IFFO1: variants seen among roughly 807,000 people sequenced by gnomAD.
IFFO1 encodes intermediate filament family orphan 1.
In IFFO1, 42 loss-of-function variants were observed where a neutral mutation model predicts 59.6. That is an observed-to-expected ratio of 0.70 (90% CI 0.55 to 0.91). The LOEUF (loss-of-function observed/expected upper bound fraction) is 0.91. Ranked by LOEUF, IFFO1 falls within the 40% of genes least tolerant of loss-of-function variation. The pLI, the probability that IFFO1 is intolerant of heterozygous loss-of-function variation, is 0.00. For synonymous variants in IFFO1, 336 were observed against 342.8 expected (o/e 0.98, Z 0.22); for missense variants, 711 against 793.2 (o/e 0.90, Z 1.24).
At position 6,551,518 on chromosome 12, in the gene IFFO1, G is replaced by A. The variant is rs1456618037; in HGVS notation, c.774-517C>T. 7 of 1,274,912 alleles carry A rather than the reference G, an allele frequency of 5.5e-6. No individual in the cohort carries two copies. In the Admixed American group the frequency reaches 1.4e-4, roughly 25 times the overall value. 79.0% of individuals were successfully genotyped at this position (1,274,912 alleles called of 1,614,324 possible). Reference sequence around the variant, plus strand: ...TGTAAAAGCATCTGCAGGACACATAGTGTATCAACAGAGTGGGTCAAGAGC... The same window carrying A: ...TGTAAAAGCATCTGCAGGACACATAATGTATCAACAGAGTGGGTCAAGAGC... On this transcript the variant is annotated intron_variant, in intron 1 of 9. Coordinates refer to ENST00000619571, the MANE Select transcript of IFFO1 (RefSeq NM_001193457.2).
intron 9 of IFFO1, 106 bp from the exon 10 acceptor site, chr12:6,540,694 C>T (rs550022310): frequency 1.0e-6 from 1 of 996,640 alleles, no homozygotes; most frequent in Admixed American, 2.1e-5. Flanking sequence ...TGAGAAGTAC[C>T]GGAAGCGAGG....
chr12:6,545,234 TAA>T, intron 8 of IFFO1, among the ~76,000 whole-genome samples: 1 of 151,608 alleles, frequency 6.6e-6, no homozygotes, highest in East Asian at 2.0e-4. Context: ...AATAAATAAA[TAA>T]ATAAATGAAA....
rs2136118768 is a variant in IFFO1 at position 6,548,036 on chromosome 12, A to G, written c.1479+29T>C. On this transcript the variant is annotated intron_variant, in intron 8 of 9. Transcript: ENST00000619571. This position sits in a 1 kb window ranked among gnomAD's most constrained non-coding sequence, Gnocchi z 6.1. ...CCCACTCAAAACCCTCTGGGACACC[A>G]CGCCCCTGGCTTCCGCTCCTGCCCT... The G allele has an allele frequency of 6.4e-7, 1 of 1,559,220 alleles. No individual in the cohort carries two copies. The highest frequency in any genetic ancestry group is 8.8e-7 in the Non-Finnish European group (1 of 1,130,164).
Position 6,548,004 on chromosome 12 carries a change from C to G in IFFO1, c.1479+61G>C. 1 of 1,269,178 alleles carries G rather than the reference C, an allele frequency of 7.9e-7. No individual in the cohort carries two copies. The highest frequency in any genetic ancestry group is 1.5e-5 in the African/African-American group (1 of 68,090). The allele number at this position is 1,269,178 out of a possible 1,614,324, so 78.6% of individuals were successfully genotyped here. ...TGCAGCAGGGATGAGGCCACTGCGCCTGCAGCCCCACTCAAAACCCTCTGG... is the reference window on the plus strand; with the variant it reads ...TGCAGCAGGGATGAGGCCACTGCGCGTGCAGCCCCACTCAAAACCCTCTGG... On this transcript the variant is annotated intron_variant, in intron 8 of 9. Transcript: ENST00000619571. The surrounding 1 kb of genome is among the most constrained non-coding windows in gnomAD (Gnocchi z 6.1).
chr12:6,550,441 A>G (rs1204599826), intron 3 of IFFO1: 6 of 540,366 alleles, frequency 1.1e-5, no homozygotes, highest in Non-Finnish European at 1.7e-5. Flanking sequence ...CAGAGCCTCC[A>G]CCCCAGAAGC....
intron 1 of IFFO1, among the ~76,000 whole-genome samples, chr12:6,554,175 A>G (rs946182527): frequency 1.1e-4 from 16 of 151,888 alleles, no homozygotes; most frequent in African/African-American, 3.9e-4. Flanking sequence ...CCCAGCGGTC[A>G]TTTCCTAGAA....
At chr12:6,550,585 G>T in intron 3 of IFFO1, 110 bp downstream of exon 3, 1 of 735,866 alleles carries the variant, frequency 1.4e-6, no homozygotes. Context: ...AAAGCAAAGA[G>T]AAGGGGAGGA....
rs754135845 is a variant in IFFO1 at position 6,541,364 on chromosome 12, C to G, written c.1610+148G>C. 4.0e-6 allele frequency: 4 copies of G among 1,003,272 alleles called. No homozygotes were observed. Among genetic ancestry groups the G allele is most frequent in the Non-Finnish European group, 5.8e-6 (4 of 691,268 alleles). The allele number at this position is 1,003,272 out of a possible 1,614,324, so 62.1% of individuals were successfully genotyped here. On this transcript the variant is annotated intron_variant, in intron 9 of 9. Transcript: ENST00000619571. The surrounding 1 kb of genome is among the most constrained non-coding windows in gnomAD (Gnocchi z 4.8). ...ACTGCCAAGGGAGAGAGCTGTGGGT[C>G]TGGGCCAGCCCCACCAGGTAACTCC...
Position 6,555,929 on chromosome 12 carries a change from C to T in IFFO1, c.101G>A (p.Gly34Glu), listed in dbSNP as rs1176627564. 6.4e-7 allele frequency: 1 copy of T among 1,551,526 alleles called. No individual in the cohort carries two copies. The highest frequency in any genetic ancestry group is 8.7e-7 in the Non-Finnish European group (1 of 1,153,908). Reference protein sequence around the residue: ...GDSLGGDHFAGGGDLPPAPLS... With the variant: ...GDSLGGDHFAEGGDLPPAPLS... ...AGGCGCCGGGGGCAAGTCTCCTCCC[C>T]CGGCGAAGTGGTCGCCTCCCAGTGA... Residue 34 changes from glycine (G) to glutamate (E), a missense_variant, in exon 1 of 10, where the codon GGG becomes GAG. Transcript: ENST00000619571. This position sits in a 1 kb window ranked among gnomAD's most constrained non-coding sequence, Gnocchi z 8.6.
chr12:6,547,392 A>AAAAGAAAG (rs138452442), intron 8 of IFFO1, among the ~76,000 whole-genome samples: 137 of 150,850 alleles, frequency 9.1e-4, no homozygotes, highest in African/African-American at 3.0e-3. Flanking sequence ...CTGTCTCAAA[A>AAAAGAAAG]AAAGAAAGAA....
chr12:6,540,743 ACT>A (rs984860879), intron 9 of IFFO1, among the ~76,000 whole-genome samples, 155 bp from the exon 10 acceptor site: 19 of 151,828 alleles, frequency 1.3e-4, no homozygotes, highest in African/African-American at 4.6e-4. Context: ...CAGGGACTGA[ACT>A]CTCTCCAAAC....
At position 6,548,360 on chromosome 12, in the gene IFFO1, G is replaced by C. The variant is rs552509244; in HGVS notation, c.1383+65C>G. 177 of 1,553,716 alleles carry C rather than the reference G, an allele frequency of 1.1e-4. No individual in the cohort carries two copies. The African/African-American group carries it at 1.7e-3, about 15-fold the overall frequency. On this transcript the variant is annotated intron_variant, in intron 7 of 9. Coordinates refer to ENST00000619571, the MANE Select transcript of IFFO1 (RefSeq NM_001193457.2). The surrounding 1 kb of genome is among the most constrained non-coding windows in gnomAD (Gnocchi z 6.1). ...GGGGGGACAGAGCAAGGAGAGGAGCGGGGGAGTGGGCTTCAGGCTGGAGAG... is the reference window on the plus strand; with the variant it reads ...GGGGGGACAGAGCAAGGAGAGGAGCCGGGGAGTGGGCTTCAGGCTGGAGAG...
In IFFO1 at chr12:6,548,775, C is replaced by T. The variant is rs370227060; in HGVS notation, c.1155G>A (p.Glu385=). Residue 385 remains glutamate, a synonymous_variant, in exon 6 of 10, where the codon GAG becomes GAA. Transcript: ENST00000619571. The surrounding 1 kb of genome is among the most constrained non-coding windows in gnomAD (Gnocchi z 6.1). Reference sequence around the variant, plus strand: ...CCTCACTCTCCGACAGGGAGGTGTCCTCCTCGACGGCAGCCTTGCGCTCCC... The same window carrying T: ...CCTCACTCTCCGACAGGGAGGTGTCTTCCTCGACGGCAGCCTTGCGCTCCC... The part of the protein sequence containing the change: ...RKRERKAAVE[E]DTSLSESEGP... The T allele has an allele frequency of 1.5e-5, 24 of 1,613,874 alleles. No homozygotes were observed. Among genetic ancestry groups the T allele is most frequent in the Non-Finnish European group, 1.8e-5 (21 of 1,180,016 alleles).
At position 6,555,683 on chromosome 12, in the gene IFFO1, C is replaced by T; in HGVS notation, c.347G>A (p.Arg116Gln). Residue 116 changes from arginine to glutamine, a missense_variant, in exon 1 of 10, where the codon CGG becomes CAG. Transcript: ENST00000619571. The surrounding 1 kb of genome is among the most constrained non-coding windows in gnomAD (Gnocchi z 8.6). ...CTGGTCGCGACGACCCAGGCCCCGC[C>T]GGCCCTGCTTACCCTCCTCCAGCGC... ...QQALEEGKQG[R>Q]RGLGRRDQAV... The T allele has an allele frequency of 6.2e-7, 1 of 1,609,702 alleles. No individual in the cohort carries two copies. The highest frequency in any genetic ancestry group is 8.5e-7 in the Non-Finnish European group (1 of 1,178,428).
Position 6,548,848 on chromosome 12 carries a change from G to A in IFFO1, c.1082C>T (p.Ser361Phe), listed in dbSNP as rs1038875946. Reference protein sequence around the residue: ...DMIQMFQKKLSLHLSPIKVPS... With the variant: ...DMIQMFQKKLFLHLSPIKVPS... ...GACCTTAATGGGAGACAAGTGCAGAGACTACAGAGACGAGGCCGGGTGCAT... is the reference window on the plus strand; with the variant it reads ...GACCTTAATGGGAGACAAGTGCAGAAACTACAGAGACGAGGCCGGGTGCAT... The change falls in exon 6 of 10, where the codon TCT (serine) becomes TTT (phenylalanine). Residue 361 changes from serine to phenylalanine, a missense_variant and splice_region_variant. Physicochemically the swap from Ser to Phe is radical, Grantham distance 155 (BLOSUM62 -2). This residue lies in a region of IFFO1 where 579 missense variants were observed against 650.3 expected (regional missense o/e 0.89). Coordinates refer to ENST00000619571, the MANE Select transcript of IFFO1 (RefSeq NM_001193457.2). This position sits in a 1 kb window ranked among gnomAD's most constrained non-coding sequence, Gnocchi z 6.1. 12 of 1,606,212 alleles carry A rather than the reference G, an allele frequency of 7.5e-6. No homozygotes were observed. The highest frequency in any genetic ancestry group is 1.0e-5 in the Non-Finnish European group (12 of 1,175,380).
At position 6,548,333 on chromosome 12, in the gene IFFO1, A is replaced by G. The variant is rs937779847; in HGVS notation, c.1383+92T>C. On this transcript the variant is annotated intron_variant, in intron 7 of 9. Transcript: ENST00000619571. The surrounding 1 kb of genome is among the most constrained non-coding windows in gnomAD (Gnocchi z 6.1). ...GACGCAGGTAGAGGATGACAGCCACATGGGGGGACAGAGCAAGGAGAGGAG... is the reference window on the plus strand; with the variant it reads ...GACGCAGGTAGAGGATGACAGCCACGTGGGGGGACAGAGCAAGGAGAGGAG... 8 of 1,467,242 alleles carry G rather than the reference A, an allele frequency of 5.5e-6. 1 individual carries two copies. The South Asian group carries it at 8.7e-5, about 16-fold the overall frequency. The allele number at this position is 1,467,242 out of a possible 1,614,324, so 90.9% of individuals were successfully genotyped here.
chr12:6,547,191 C>G (rs1947003970), intron 8 of IFFO1, among the ~76,000 whole-genome samples: 1 of 152,142 alleles, frequency 6.6e-6, no homozygotes, highest in South Asian at 2.1e-4. Flanking sequence ...AGGAGGACTG[C>G]TTGAATCCAG....
Position 6,549,164 on chromosome 12 carries a change from A to AG in IFFO1, c.1080+311_1080+312insC. ...TCAAGAGGAAATTTTTTTCTAAAAA[A>AG]AGTCTTTTTGATTAAATGACTCAAC... On this transcript the variant is annotated intron_variant, in intron 5 of 9. Coordinates refer to ENST00000619571, the MANE Select transcript of IFFO1 (RefSeq NM_001193457.2). The surrounding 1 kb of genome is among the most constrained non-coding windows in gnomAD (Gnocchi z 5.0). 2.0e-6 allele frequency: 1 copy of AG among 512,512 alleles called. No individual in the cohort carries two copies. Among genetic ancestry groups the AG allele is most frequent in the East Asian group, 3.2e-5 (1 of 31,480 alleles). The allele number at this position is 512,512 out of a possible 1,614,324, so 31.7% of individuals were successfully genotyped here.
At chr12:6,544,677 G>A (rs1946871300) in intron 8 of IFFO1, 1 of 152,192 alleles carries the variant, frequency 6.6e-6, no homozygotes, top group Non-Finnish European at 1.5e-5. Context: ...AAAAGAGGGA[G>A]ACAAGAATCA....
Sources: allele counts gnomAD v4.1 joint callset (sites outside exome capture counted in the v4.1 genomes callset), GRCh38; gene constraint gnomAD v4.1.1; regional missense constraint gnomAD v4.1.1; non-coding constraint Gnocchi (gnomAD v3.1); transcripts MANE v1.5; gene names NCBI Gene and HGNC (gene_info 2026-07-23, HGNC 2026-07-21).